The following PLCG2 variants were observed in gnomAD, a reference collection of about 807,000 sequenced individuals.
PLCG2 encodes the protein phospholipase C gamma 2.
Under a neutral mutation model 175.6 loss-of-function variants are expected in PLCG2, and 69 were observed. The observed-to-expected ratio is 0.39, with a 90% confidence interval of 0.32 to 0.48. The LOEUF (loss-of-function observed/expected upper bound fraction) is 0.48. Among genes scored for constraint, PLCG2 ranks in the 20% least tolerant of loss-of-function variants. The probability of loss-of-function intolerance (pLI) is 0.91; values close to 1 mark genes in which losing one functional copy is unlikely to be tolerated. For missense variants in PLCG2, 1,798 were observed against 1,650.9 expected (o/e 1.09, Z -1.54); for synonymous variants, 827 against 624.0 (o/e 1.33, Z -4.85).
intron 7 of PLCG2, among the ~76,000 whole-genome samples, chr16:81,872,115 G>A (rs1880302733): frequency 6.6e-6 from 1 of 152,248 alleles, no homozygotes; most frequent in South Asian, 2.1e-4. Context: ...ATCATTTGAG[G>A]TCAGGAGTTT....
Position 81,960,991 on chromosome 16 carries a change from G to T in PLCG2, c.*2993G>T. 4.3e-6 allele frequency: 1 copy of T among 230,056 alleles called. No homozygotes were observed. The highest frequency in any genetic ancestry group is 5.7e-5 in the Admixed American group (1 of 17,676). The allele number at this position is 230,056 out of a possible 1,614,324, so 14.3% of individuals were successfully genotyped here. ...CACCTCTAGTCTTACTGTAGAGCAT[G>T]TCCCAAGGTGTAAAAATTCAAAATG... On this transcript the variant is annotated 3_prime_UTR_variant, in exon 33 of 33. Coordinates refer to ENST00000564138, the MANE Select transcript of PLCG2 (RefSeq NM_002661.5).
chr16:81,763,237 A>G (rs529249201), intron 2 of PLCG2, among the ~76,000 whole-genome samples: 4 of 152,324 alleles, frequency 2.6e-5, no homozygotes, highest in African/African-American at 7.2e-5. Flanking sequence ...TGTAGCCCAG[A>G]TTTGCAAGCT....
At chr16:81,910,388 G>C (rs1339845816) in intron 17 of PLCG2, 132 bp from the exon 18 acceptor site, 2 of 782,410 alleles carry the variant, frequency 2.6e-6, no homozygotes, top group Non-Finnish European at 4.2e-6. Context: ...ACTGCGCCCA[G>C]CCTCCTGTGT....
rs1274382064 is a variant in PLCG2, at chr16:81,946,280, C to T, written c.3570+17C>T. 1.9e-6 allele frequency: 3 copies of T among 1,590,144 alleles called. No individual in the cohort carries two copies. The highest frequency in any genetic ancestry group is 1.3e-5 in the African/African-American group (1 of 74,490). On this transcript the variant is annotated intron_variant, in intron 31 of 32. Coordinates refer to ENST00000564138, the MANE Select transcript of PLCG2 (RefSeq NM_002661.5). ...CCAGTCCTGGTGAGTGGAGAAACAC[C>T]AGTTAAGGGTTCCCTGAGCTATGCC... is the stretch of plus-strand genomic sequence containing the variant.
chr16:81,886,342 C>T (rs997858550), intron 9 of PLCG2, among the ~76,000 whole-genome samples: 2 of 152,144 alleles, frequency 1.3e-5, no homozygotes, highest in African/African-American at 2.4e-5. Flanking sequence ...AGCATCCATG[C>T]GATGTTTGTT....
At chr16:81,778,063 A>AAACAAAAAAAC (rs774506846), upstream of PLCG2, among the ~76,000 whole-genome samples, 1 of 104,828 alleles carries the variant, frequency 9.5e-6, no homozygotes, top group Non-Finnish European at 1.9e-5. Context: ...AACAAAAAAA[A>AAACAAAAAAAC]CCAAAAACAC....
At chr16:81,784,472 G>C (rs898347513) in intron 1 of PLCG2, among the ~76,000 whole-genome samples, 1 of 152,190 alleles carries the variant, frequency 6.6e-6, no homozygotes, top group African/African-American at 2.4e-5. Context: ...TGGAAGCACA[G>C]ACAGCCCTGG....
chr16:81,834,935 G>T (rs574595814), intron 2 of PLCG2, among the ~76,000 whole-genome samples: 2 of 152,214 alleles, frequency 1.3e-5, no homozygotes, highest in Non-Finnish European at 2.9e-5. Flanking sequence ...CTGCAAAAGT[G>T]CCAAGTCCTT....
At chr16:81,825,587 G>A (rs369445776) in intron 2 of PLCG2, among the ~76,000 whole-genome samples, 1 of 152,086 alleles carries the variant, frequency 6.6e-6, no homozygotes, top group South Asian at 2.1e-4. Context: ...GAGCCACCGC[G>A]CCCAGCCCGA....
intron 11 of PLCG2, 70 bp downstream of exon 11, chr16:81,891,660 T>G (rs1397672155): frequency 1.2e-6 from 1 of 866,338 alleles, no homozygotes; most frequent in African/African-American, 1.6e-5. Context: ...AGGGGTCCGA[T>G]ACGCCGCTCC....
chr16:81,946,344 C>T (rs1022585197), intron 31 of PLCG2, 81 bp downstream of exon 31: 2 of 971,264 alleles, frequency 2.1e-6, no homozygotes, highest in Admixed American at 1.7e-5. Context: ...ATACAATTGG[C>T]AGATGGACTT....
intron 2 of PLCG2, among the ~76,000 whole-genome samples, chr16:81,771,705 C>T (rs570875791): frequency 9.7e-6 from 1 of 103,038 alleles, no homozygotes; most frequent in Admixed American, 1.1e-4. Flanking sequence ...AAAACAACAA[C>T]AAAAAAACTA....
chr16:81,811,209 T>G (rs1174088279), intron 2 of PLCG2, among the ~76,000 whole-genome samples: 5 of 152,168 alleles, frequency 3.3e-5, no homozygotes, highest in African/African-American at 1.2e-4. Flanking sequence ...ACTCCCTCCT[T>G]GGGTCTCAGT....
In PLCG2 at chr16:81,937,878, A is replaced by G. The variant is rs1195283111; in HGVS notation, c.3173A>G (p.Lys1058Arg). 1 of 1,614,150 alleles carries G rather than the reference A, an allele frequency of 6.2e-7. No individual in the cohort carries two copies. The highest frequency in any genetic ancestry group is 1.7e-4 in the Middle Eastern group (1 of 6,060). Residue 1058 changes from lysine to arginine, a missense_variant, in exon 28 of 33, where the codon AAG (lysine) becomes AGG (arginine). Coordinates refer to ENST00000564138, the MANE Select transcript of PLCG2 (RefSeq NM_002661.5). The part of the protein sequence containing the change: ...YDPMPPESQR[K>R]ILMTLTVKVL... ...CCGATGCCACCCGAGTCCCAGAGGA[A>G]GATCCTGATGACGCTGACAGTCAAG...
intron 31 of PLCG2, among the ~76,000 whole-genome samples, chr16:81,948,967 A>C (rs1911262196): frequency 6.6e-6 from 1 of 152,236 alleles, no homozygotes; most frequent in Non-Finnish European, 1.5e-5. Context: ...GATCTTTCAA[A>C]GACATCCAAG....
At position 81,960,701 on chromosome 16, in the gene PLCG2, A is replaced by C. The variant is rs911782458; in HGVS notation, c.*2703A>C. 1 of 229,712 alleles carries C rather than the reference A, an allele frequency of 4.4e-6. No homozygotes were observed. Among genetic ancestry groups the C allele is most frequent in the African/African-American group, 2.2e-5 (1 of 45,276 alleles). 14.2% of individuals were successfully genotyped at this position (229,712 alleles called of 1,614,324 possible). On this transcript the variant is annotated 3_prime_UTR_variant, in exon 33 of 33. Coordinates refer to ENST00000564138, the MANE Select transcript of PLCG2 (RefSeq NM_002661.5). ...TTGAAGACCTACTGCTCTATTAAGA[A>C]GGCAGCCGGACAACATGTTCTAATA...
At chr16:81,849,383 A>G (rs758329058) in intron 2 of PLCG2, among the ~76,000 whole-genome samples, 2 of 152,178 alleles carry the variant, frequency 1.3e-5, no homozygotes, top group East Asian at 1.9e-4. Flanking sequence ...CTGGAAGACA[A>G]TGTTACCTTG....
In PLCG2 at chr16:81,836,522, C is replaced by G. The variant is rs369573580; in HGVS notation, c.194-17922C>G. 4.1e-4 allele frequency among the ~76,000 whole-genome samples: 63 copies of G among 152,226 alleles called. No homozygotes were observed. The South Asian group carries it at 0.013, about 31-fold the overall frequency. On this transcript the variant is annotated intron_variant, in intron 2 of 32. Coordinates refer to ENST00000564138, the MANE Select transcript of PLCG2 (RefSeq NM_002661.5). ...TTGGGAGGGTGAGGTGGGTGGATCA[C>G]CTGAGGTGAGGAGTTTGAGACCAGC...
chr16:81,778,179 C>A (rs1243858967), upstream of PLCG2, among the ~76,000 whole-genome samples: 1 of 151,948 alleles, frequency 6.6e-6, no homozygotes, highest in Non-Finnish European at 1.5e-5. Flanking sequence ...AGTTCAAGAA[C>A]AGCCTGGGAC....
Sources: allele counts gnomAD v4.1 joint callset (sites outside exome capture counted in the v4.1 genomes callset), GRCh38; gene constraint gnomAD v4.1.1; transcripts MANE v1.5; gene names NCBI Gene and HGNC (gene_info 2026-07-23, HGNC 2026-07-21).